The following EYS variants were observed in gnomAD, a reference collection of about 807,000 sequenced individuals.
The protein encoded by EYS is EGF-like photoreceptor maintenance factor, also known as protein eyes shut homolog.
EYS carries 250 observed loss-of-function variants against 282.1 expected under a neutral mutation model. The observed-to-expected ratio is 0.89, with a 90% CI of 0.80 to 0.98. The LOEUF is 0.98. Among genes scored for constraint, EYS ranks in the 50% least tolerant of loss-of-function variants. The probability of loss-of-function intolerance (pLI) is 0.00; values close to 1 mark genes in which losing one functional copy is unlikely to be tolerated. For synonymous variants in EYS, 1,355 were observed against 1,282.9 expected (o/e 1.06, Z -1.20); for missense variants, 4,016 against 3,709.0 (o/e 1.08, Z -2.15).
chr6:63,741,816 C>G, intron 41 of EYS: 1 of 643,852 alleles, frequency 1.6e-6, no homozygotes. Flanking sequence ...AGCTCCAATC[C>G]TTTTTCCACA....
chr6:65,271,082 T>C (rs936753830), intron 12 of EYS, among the ~76,000 whole-genome samples: 7 of 134,652 alleles, frequency 5.2e-5, no homozygotes, highest in Admixed American at 2.4e-4. Flanking sequence ...ACCGTCTCGA[T>C]ACCAAAATCT....
intron 35 of EYS, among the ~76,000 whole-genome samples, chr6:63,969,644 T>C (rs1195655691): frequency 2.0e-5 from 3 of 152,204 alleles, no homozygotes; most frequent in Non-Finnish European, 4.4e-5. Flanking sequence ...AGATCAACGA[T>C]AAATTAACTT....
intron 12 of EYS, among the ~76,000 whole-genome samples, chr6:65,108,556 T>A (rs761782878): frequency 2.0e-5 from 3 of 152,112 alleles, no homozygotes; most frequent in Non-Finnish European, 4.4e-5. Context: ...TCTTTCAGGG[T>A]TTCTGGTGAA....
At chr6:63,839,303 A>G (rs71570654) in intron 36 of EYS, among the ~76,000 whole-genome samples, 4,620 of 148,276 alleles carry the variant, frequency 0.031, 76 homozygotes, top group Non-Finnish European at 0.05. Context: ...TATGAGTGAG[A>G]ACATGCAATA....
At chr6:64,592,990 T>C (rs1766457950) in intron 25 of EYS, 127 bp downstream of exon 25, 1 of 641,966 alleles carries the variant, frequency 1.6e-6, no homozygotes. Flanking sequence ...CAATAATGCT[T>C]AATTTTACAC....
intron 13 of EYS, among the ~76,000 whole-genome samples, chr6:65,009,052 T>G (rs937046961): frequency 6.6e-6 from 1 of 152,144 alleles, no homozygotes; most frequent in African/African-American, 2.4e-5. Flanking sequence ...CAGGGGCCAT[T>G]ATACACGTGA....
intron 13 of EYS, among the ~76,000 whole-genome samples, chr6:65,023,762 T>C (rs62416491): frequency 0.13 from 20,220 of 152,206 alleles, 1,486 homozygotes; most frequent in East Asian, 0.24. Flanking sequence ...TACAGGAAAG[T>C]ATGCACGTGT....
chr6:64,189,440 G>A (rs1765041780), intron 31 of EYS, among the ~76,000 whole-genome samples: 1 of 152,292 alleles, frequency 6.6e-6, no homozygotes, highest in Admixed American at 6.5e-5. Flanking sequence ...TTGGAAAACA[G>A]CCATGTTCAT....
At chr6:64,452,578 T>C (rs1314041097) in intron 26 of EYS, among the ~76,000 whole-genome samples, 1 of 152,116 alleles carries the variant, frequency 6.6e-6, no homozygotes, top group African/African-American at 2.4e-5. Flanking sequence ...AGAACAAAGC[T>C]GGAGGCATCA....
rs147831336 is a variant in EYS, at chr6:63,852,340, T to C, written c.7228+11846A>G. On this transcript the variant is annotated intron_variant, in intron 36 of 42. Transcript: ENST00000503581. ...AGAAATATAAACTACCATCAGGTAA[T>C]ACTATGAACACCTCTATGCAAATAA... Among the ~76,000 whole-genome samples, 613 of 152,136 alleles carry C rather than the reference T, an allele frequency of 4.0e-3. 3 individuals carry two copies. Among genetic ancestry groups the C allele is most frequent in the African/African-American group, 0.013 (532 of 41,498 alleles).
intron 33 of EYS, among the ~76,000 whole-genome samples, chr6:64,028,590 G>C (rs999916166): frequency 6.6e-6 from 1 of 152,144 alleles, no homozygotes; most frequent in African/African-American, 2.4e-5. Context: ...CCTGCACTCT[G>C]AGTCCCAGTT....
At chr6:65,219,932 A>G (rs940847007) in intron 12 of EYS, among the ~76,000 whole-genome samples, 2 of 152,126 alleles carry the variant, frequency 1.3e-5, no homozygotes, top group African/African-American at 4.8e-5. Flanking sequence ...TGATTCAATT[A>G]TCTTGCACTG....
At chr6:63,768,018 C>A (rs1176786371) in intron 40 of EYS, among the ~76,000 whole-genome samples, 1 of 152,020 alleles carries the variant, frequency 6.6e-6, no homozygotes, top group Non-Finnish European at 1.5e-5. Context: ...AACTGGCTAG[C>A]CATATGCAGA....
At chr6:63,785,852 T>C (rs1770347717) in intron 39 of EYS, among the ~76,000 whole-genome samples, 1 of 151,994 alleles carries the variant, frequency 6.6e-6, no homozygotes, top group South Asian at 2.1e-4. Flanking sequence ...CTAATAAAAA[T>C]ACAAAAATTA....
intron 14 of EYS, among the ~76,000 whole-genome samples, chr6:64,993,800 G>GTT (rs1345409602): frequency 5.0e-5 from 7 of 141,036 alleles, no homozygotes; most frequent in Non-Finnish European, 6.2e-5. Flanking sequence ...AGTAAAGGTA[G>GTT]TTTTTTTTTT....
At chr6:63,722,197 T>G (rs1479828576) in intron 42 of EYS, among the ~76,000 whole-genome samples, 1 of 152,186 alleles carries the variant, frequency 6.6e-6, no homozygotes, top group Non-Finnish European at 1.5e-5. Context: ...TTACCTGGAA[T>G]GTTCTCTTTC....
intron 29 of EYS, among the ~76,000 whole-genome samples, chr6:64,317,479 G>A (rs941524112): frequency 6.6e-6 from 1 of 151,944 alleles, no homozygotes; most frequent in Non-Finnish European, 1.5e-5. Context: ...ATCACAATGA[G>A]ATACTGTCTC....
intron 5 of EYS, among the ~76,000 whole-genome samples, chr6:65,427,709 T>C (rs1312526001): frequency 6.6e-6 from 1 of 152,096 alleles, no homozygotes; most frequent in East Asian, 1.9e-4. Context: ...TGCTGAATTA[T>C]ATCATTCAGT....
intron 10 of EYS, among the ~76,000 whole-genome samples, chr6:65,341,968 T>G (rs1189863844): frequency 6.6e-6 from 1 of 151,292 alleles, no homozygotes; most frequent in Non-Finnish European, 1.5e-5. Flanking sequence ...CTGTGCTTTA[T>G]TTACATGATT....
Sources: allele counts gnomAD v4.1 joint callset (sites outside exome capture counted in the v4.1 genomes callset), GRCh38; gene constraint gnomAD v4.1.1; transcripts MANE v1.5; gene names NCBI Gene and HGNC (gene_info 2026-07-23, HGNC 2026-07-21).